The following CNTNAP2 variants were observed in gnomAD, a reference collection of about 807,000 sequenced individuals.
CNTNAP2 encodes the protein contactin-associated protein-like 2.
CNTNAP2 carries 98 observed loss-of-function variants against 155.2 expected under a neutral mutation model. The ratio of observed to expected loss-of-function variants is 0.63; its 90% CI spans 0.54 to 0.75. CNTNAP2 has a LOEUF of 0.75. CNTNAP2 is among the 30% of genes least tolerant of loss of function. The pLI, the probability that CNTNAP2 is intolerant of heterozygous loss-of-function variation, is 0.00. For synonymous variants in CNTNAP2, 651 were observed against 631.2 expected, an observed-to-expected ratio of 1.03 and a Z score of -0.47; for missense variants, 1,727 against 1,688.1, an observed-to-expected ratio of 1.02 and a Z score of -0.40.
intron 18 of CNTNAP2, among the ~76,000 whole-genome samples, chr7:148,202,942 C>A (rs1468833845): frequency 6.6e-6 from 1 of 152,022 alleles, no homozygotes; most frequent in African/African-American, 2.4e-5. Flanking sequence ...CCTTCTTCTG[C>A]CAAAAGACAG....
At chr7:147,037,406 A>G (rs977840649) in intron 3 of CNTNAP2, among the ~76,000 whole-genome samples, 48 of 151,370 alleles carry the variant, frequency 3.2e-4, no homozygotes, top group Middle Eastern at 3.5e-3. Context: ...ACTTTGTCCC[A>G]AGTTTGTCTT....
In CNTNAP2 at chr7:147,955,388, T is replaced by A. The variant is rs552008226; in HGVS notation, c.2256-22474T>A. Among the ~76,000 whole-genome samples, 74 of 152,250 alleles carry A rather than the reference T, an allele frequency of 4.9e-4. 1 individual carries two copies. The South Asian group carries it at 0.015, about 30-fold the overall frequency. On this transcript the variant is annotated intron_variant, in intron 14 of 23. Coordinates refer to ENST00000361727, the MANE Select transcript of CNTNAP2 (RefSeq NM_014141.6). ...ATTAGCATAACATGCTTTTATTTTT[T>A]AAAAAAACTACATTATTCCAAAACA...
chr7:146,754,802 C>T lies in CNTNAP2; in HGVS notation c.98-19469C>T, dbSNP rs1003671859. Reference sequence around the variant, plus strand: ...TAAATACTTTTTAGGTGATCTGTTTCTAAGAAGTGCAGTTTTCCGGAAACC... The same window carrying T: ...TAAATACTTTTTAGGTGATCTGTTTTTAAGAAGTGCAGTTTTCCGGAAACC... On this transcript the variant is annotated intron_variant, in intron 1 of 23. Transcript: ENST00000361727. Among the ~76,000 whole-genome samples, 9 of 151,544 alleles carry T rather than the reference C, an allele frequency of 5.9e-5. No homozygotes were observed. In the East Asian group the frequency reaches 1.5e-3, roughly 26 times the overall value.
chr7:146,495,681 G>C (rs916851982), intron 1 of CNTNAP2, among the ~76,000 whole-genome samples: 1 of 151,600 alleles, frequency 6.6e-6, no homozygotes, highest in Non-Finnish European at 1.5e-5. Flanking sequence ...TTTTGAGGTT[G>C]AATAGTAACC....
intron 1 of CNTNAP2, among the ~76,000 whole-genome samples, chr7:146,528,782 A>G (rs1166991147): frequency 6.6e-6 from 1 of 152,162 alleles, no homozygotes. Flanking sequence ...TCTTGTCAAC[A>G]TATGAGAACT....
chr7:146,676,142 A>G (rs2129168986), intron 1 of CNTNAP2, among the ~76,000 whole-genome samples: 1 of 152,328 alleles, frequency 6.6e-6, no homozygotes, highest in Admixed American at 6.5e-5. Flanking sequence ...TTCTTCATAA[A>G]TATGAAATGT....
chr7:148,271,399 G>C (rs987868179), intron 21 of CNTNAP2, among the ~76,000 whole-genome samples: 1 of 152,140 alleles, frequency 6.6e-6, no homozygotes, highest in Non-Finnish European at 1.5e-5. Context: ...CCCAAGTTGT[G>C]ACAACCAAAA....
chr7:147,818,594 A>T (rs1798312439), intron 13 of CNTNAP2, among the ~76,000 whole-genome samples: 1 of 152,190 alleles, frequency 6.6e-6, no homozygotes, highest in Admixed American at 6.5e-5. Context: ...ATTTGGAAAT[A>T]GGTGGAGCCA....
intron 8 of CNTNAP2, among the ~76,000 whole-genome samples, chr7:147,287,452 T>G (rs1476126243): frequency 1.3e-5 from 2 of 152,022 alleles, no homozygotes; most frequent in Non-Finnish European, 2.9e-5. Flanking sequence ...TGGAGAAACT[T>G]CAGGAGCTTA....
In CNTNAP2 at chr7:146,511,115, G is replaced by A. The variant is rs1052612253; in HGVS notation, c.98-263156G>A. On this transcript the variant is annotated intron_variant, in intron 1 of 23. Coordinates refer to ENST00000361727, the MANE Select transcript of CNTNAP2 (RefSeq NM_014141.6). ...GGGTTTCACCATGTTAGCCAGGAAG[G>A]TCTTGATCTCCTGACCTCGTGATCC... Among the ~76,000 whole-genome samples the A allele has an allele frequency of 2.6e-5, 4 of 152,198 alleles. No homozygotes were observed. In the East Asian group the frequency reaches 5.8e-4, roughly 22 times the overall value.
chr7:146,630,274 G>T (rs943557488), intron 1 of CNTNAP2, among the ~76,000 whole-genome samples: 2 of 151,992 alleles, frequency 1.3e-5, no homozygotes, highest in African/African-American at 4.8e-5. Flanking sequence ...GAGAATGATG[G>T]CTTCCAGCTT....
intron 20 of CNTNAP2, among the ~76,000 whole-genome samples, chr7:148,265,504 G>C (rs1796651296): frequency 6.6e-6 from 1 of 152,006 alleles, no homozygotes; most frequent in Non-Finnish European, 1.5e-5. Context: ...TGTACTCCTG[G>C]ACTCGAGAGA....
intron 12 of CNTNAP2, among the ~76,000 whole-genome samples, chr7:147,576,222 A>G (rs1241417656): frequency 6.6e-6 from 1 of 152,106 alleles, no homozygotes; most frequent in Non-Finnish European, 1.5e-5. Flanking sequence ...TGTCAGCACT[A>G]CTACTGCTGT....
chr7:147,251,549 A>C (rs1482343533), intron 8 of CNTNAP2, among the ~76,000 whole-genome samples: 1 of 152,134 alleles, frequency 6.6e-6, no homozygotes, highest in Non-Finnish European at 1.5e-5. Flanking sequence ...GGTAGCACTA[A>C]AGAGAATTAC....
intron 1 of CNTNAP2, among the ~76,000 whole-genome samples, chr7:146,576,387 T>C (rs1306497086): frequency 6.6e-6 from 1 of 152,160 alleles, no homozygotes; most frequent in Non-Finnish European, 1.5e-5. Context: ...ATGGACATTG[T>C]ACAACAGCTC....
At chr7:146,558,761 A>T (rs571890220) in intron 1 of CNTNAP2, among the ~76,000 whole-genome samples, 2 of 152,130 alleles carry the variant, frequency 1.3e-5, no homozygotes, top group African/African-American at 4.8e-5. Flanking sequence ...CTTCTCCCAT[A>T]TCTCTCCTGA....
intron 1 of CNTNAP2, among the ~76,000 whole-genome samples, chr7:146,345,601 TGTTGATGACAA>T (rs1193255829): frequency 6.6e-6 from 1 of 152,192 alleles, no homozygotes; most frequent in Non-Finnish European, 1.5e-5. Context: ...CCACACACTT[TGTTGATGACAA>T]GGTCAGCATG....
At chr7:146,456,505 G>GCTTGA (rs1796557370) in intron 1 of CNTNAP2, among the ~76,000 whole-genome samples, 1 of 152,110 alleles carries the variant, frequency 6.6e-6, no homozygotes, top group Non-Finnish European at 1.5e-5. Context: ...TAAATTTTCT[G>GCTTGA]AAGTCTCACA....
intron 20 of CNTNAP2, among the ~76,000 whole-genome samples, chr7:148,264,601 G>A (rs553714536): frequency 1.3e-5 from 2 of 151,962 alleles, no homozygotes; most frequent in Admixed American, 6.6e-5. Context: ...CTTTTTTTCC[G>A]GCAAATCTGT....
Sources: allele counts gnomAD v4.1 joint callset (sites outside exome capture counted in the v4.1 genomes callset), GRCh38; gene constraint gnomAD v4.1.1; transcripts MANE v1.5; gene names NCBI Gene and HGNC (gene_info 2026-07-23, HGNC 2026-07-21).